FCRL1: variants seen among roughly 807,000 people sequenced by gnomAD.
The protein encoded by FCRL1 is Fc receptor-like protein 1.
A neutral mutation model predicts 49.2 loss-of-function variants in FCRL1; 34 were observed. The observed-to-expected ratio is 0.69, with a 90% confidence interval of 0.53 to 0.92. FCRL1 has a LOEUF of 0.92. FCRL1 is among the 40% of genes least tolerant of loss of function. The probability of loss-of-function intolerance (pLI) is 0.00; values close to 1 mark genes in which losing one functional copy is unlikely to be tolerated. For missense variants in FCRL1, 524 were observed against 524.1 expected (o/e 1.00, Z 0.00); for synonymous variants, 218 against 201.6 (o/e 1.08, Z -0.69).
At chr1:157,806,265 CT>C (rs1200064196) in intron 2 of FCRL1, among the ~76,000 whole-genome samples, 1 of 152,194 alleles carries the variant, frequency 6.6e-6, no homozygotes, top group African/African-American at 2.4e-5. Context: ...CTGAATCTCT[CT>C]GAATCTTTCT....
intron 6 of FCRL1, among the ~76,000 whole-genome samples, chr1:157,800,953 G>A (rs147509665): frequency 0.025 from 3,844 of 152,016 alleles, 151 homozygotes; most frequent in African/African-American, 0.086. Flanking sequence ...GTGCAGTGCC[G>A]TGATCTCAGC....
At chr1:157,808,847 A>G (rs181522663) in intron 1 of FCRL1, among the ~76,000 whole-genome samples, 8 of 152,274 alleles carry the variant, frequency 5.3e-5, no homozygotes, top group African/African-American at 1.7e-4. Context: ...TTGCTTATGG[A>G]TTAAATAGAA....
chr1:157,814,368 A>G (rs1654748160), intron 1 of FCRL1, among the ~76,000 whole-genome samples: 1 of 152,094 alleles, frequency 6.6e-6, no homozygotes, highest in African/African-American at 2.4e-5. Context: ...TCTAGACCAA[A>G]GTTAAGCTGT....
At chr1:157,805,157 C>A (rs1424102691) in intron 2 of FCRL1, among the ~76,000 whole-genome samples, 1 of 152,092 alleles carries the variant, frequency 6.6e-6, no homozygotes, top group Admixed American at 6.5e-5. Flanking sequence ...CCACTCCCGG[C>A]CTGGGGCTCT....
At chr1:157,805,255 A>G (rs970370520) in intron 2 of FCRL1, among the ~76,000 whole-genome samples, 5 of 152,068 alleles carry the variant, frequency 3.3e-5, no homozygotes, top group African/African-American at 1.2e-4. Flanking sequence ...ACAACCCCTA[A>G]TAGCTATGGG....
At chr1:157,811,393 C>T (rs149193460) in intron 1 of FCRL1, among the ~76,000 whole-genome samples, 14 of 152,276 alleles carry the variant, frequency 9.2e-5, no homozygotes, top group African/African-American at 3.4e-4. Context: ...AACTCTGTCT[C>T]CTCAGTCAGG....
At chr1:157,800,016 T>C (rs1230708194) in intron 7 of FCRL1, 42 bp downstream of exon 7, 1 of 1,566,058 alleles carries the variant, frequency 6.4e-7, no homozygotes, top group Admixed American at 1.8e-5. Flanking sequence ...TTAAAATAGA[T>C]TTTTCTGCAT....
chr1:157,812,822 C>G (rs1302993934), intron 1 of FCRL1, among the ~76,000 whole-genome samples: 1 of 152,154 alleles, frequency 6.6e-6, no homozygotes, highest in East Asian at 1.9e-4. Flanking sequence ...TGACCCATGC[C>G]AGGGCCAAAC....
At chr1:157,806,252 A>T (rs74121542) in intron 2 of FCRL1, among the ~76,000 whole-genome samples, 2,369 of 152,252 alleles carry the variant, frequency 0.016, 51 homozygotes, top group African/African-American at 0.053. Context: ...GGCTAGATTG[A>T]CCCTGAATCT....
intron 2 of FCRL1, among the ~76,000 whole-genome samples, chr1:157,805,775 G>A (rs778956939): frequency 7.2e-5 from 11 of 152,200 alleles, no homozygotes; most frequent in Non-Finnish European, 1.5e-4. Flanking sequence ...TGAGTTTGTA[G>A]TCCCCAGCTA....
At chr1:157,802,692 G>A (rs764364138) in intron 3 of FCRL1, 28 bp from the exon 4 acceptor site, 1 of 1,597,342 alleles carries the variant, frequency 6.3e-7, no homozygotes, top group South Asian at 1.1e-5. Flanking sequence ...GACATAGGAA[G>A]ACCCTGTGCA....
chr1:157,819,210 T>C (rs981844298), intron 1 of FCRL1, among the ~76,000 whole-genome samples: 1 of 152,128 alleles, frequency 6.6e-6, no homozygotes, highest in Admixed American at 6.6e-5. Flanking sequence ...TGTGAACATG[T>C]AGGATAATTG....
chr1:157,797,102 T>C lies in FCRL1; in HGVS notation c.1217A>G (p.Lys406Arg). ...AGAAAGAACAATAGAGACTCTTACCTTGTCCTCCATATGTGTCCCCAGGGT... is the reference window on the plus strand; with the variant it reads ...AGAAAGAACAATAGAGACTCTTACCCTGTCCTCCATATGTGTCCCCAGGGT... Reference protein sequence around the residue: ...AETLGTHMEDKVSLDIYSRLR... With the variant: ...AETLGTHMEDRVSLDIYSRLR... Residue 406 changes from lysine (K) to arginine (R), a missense_variant and splice_region_variant, in exon 10 of 11, where the codon AAG becomes AGG. Physicochemically the swap from Lys to Arg is conservative, Grantham distance 26. Transcript: ENST00000368176. The C allele has an allele frequency of 6.2e-7, 1 of 1,613,754 alleles. No individual in the cohort carries two copies.
At chr1:157,801,618 G>T in intron 5 of FCRL1, 41 bp from the exon 6 acceptor site, 1 of 1,407,546 alleles carries the variant, frequency 7.1e-7, no homozygotes, top group Non-Finnish European at 1.0e-6. Flanking sequence ...CAGAGGAAGG[G>T]CTTGGGGCTT....
At chr1:157,805,628 G>T (rs1653313297) in intron 2 of FCRL1, among the ~76,000 whole-genome samples, 2 of 152,208 alleles carry the variant, frequency 1.3e-5, no homozygotes, top group South Asian at 4.1e-4. Flanking sequence ...AGGTGTGGTG[G>T]CTCACGGCTG....
At position 157,797,899 on chromosome 1, in the gene FCRL1, G is replaced by A. The variant is rs750898546; in HGVS notation, c.1155C>T (p.Tyr385=). ...CTGATTCCTGCTCCGGCTGGTTATA[G>A]TACGCCAGTGAATAAACCTCATCCC... is the stretch of plus-strand genomic sequence containing the variant. The part of the protein sequence containing the change: ...VSGDEVYSLA[Y]YNQPEQESVA... Residue 385 remains tyrosine (Y), a synonymous_variant, in exon 9 of 11, where the codon TAC becomes TAT. Transcript: ENST00000368176. 38 of 1,614,080 alleles carry A rather than the reference G, an allele frequency of 2.4e-5. 1 individual carries two copies. Among genetic ancestry groups the A allele is most frequent in the Non-Finnish European group, 3.2e-5 (38 of 1,180,034 alleles).
In FCRL1 at chr1:157,804,213, C is replaced by T. The variant is rs1459206886; in HGVS notation, c.53-102G>A. 20 of 1,434,636 alleles carry T rather than the reference C, an allele frequency of 1.4e-5. No individual in the cohort carries two copies. The Middle Eastern group carries it at 1.5e-3, about 107-fold the overall frequency. The allele number at this position is 1,434,636 out of a possible 1,614,324, so 88.9% of individuals were successfully genotyped here. A position where few individuals can be genotyped will look rare whatever the true frequency, so the allele number is the denominator to read the frequency against. ...TGCCAACAAGACTCAAAGAAACAGCCAGTTGGACACACAGGCCACCCTACA... is the reference window on the plus strand; with the variant it reads ...TGCCAACAAGACTCAAAGAAACAGCTAGTTGGACACACAGGCCACCCTACA... On this transcript the variant is annotated intron_variant, in intron 2 of 10. Coordinates refer to ENST00000368176, the MANE Select transcript of FCRL1 (RefSeq NM_052938.5).
At chr1:157,816,542 T>C (rs1336004446) in intron 1 of FCRL1, among the ~76,000 whole-genome samples, 2 of 151,816 alleles carry the variant, frequency 1.3e-5, no homozygotes, top group Non-Finnish European at 3.0e-5. Context: ...AAGACAAAGA[T>C]GCCCACTTTG....
At chr1:157,801,050 C>A (rs934312478) in intron 6 of FCRL1, among the ~76,000 whole-genome samples, 2 of 152,090 alleles carry the variant, frequency 1.3e-5, no homozygotes, top group Non-Finnish European at 2.9e-5. Flanking sequence ...CATCACCACG[C>A]CCAGCTAATT....
Sources: gnomAD v4.1 joint callset for allele counts (sites outside exome capture counted in the v4.1 genomes callset) on GRCh38, gnomAD v4.1.1 for gene constraint, MANE v1.5 for transcripts, NCBI Gene and HGNC (gene_info 2026-07-23, HGNC 2026-07-21) for gene names.